Variants in LPP observed in about 807,000 individuals in gnomAD.
LPP encodes the protein LIM domain containing preferred translocation partner in lipoma, also known as lipoma-preferred partner.
Under a neutral mutation model 60.4 loss-of-function variants are expected in LPP, and 38 were observed. The ratio of observed to expected loss-of-function variants is 0.63; its 90% CI spans 0.49 to 0.83. The LOEUF (loss-of-function observed/expected upper bound fraction) is 0.83, where lower values mean the gene tolerates loss of function less well. LPP is among the 40% of genes least tolerant of loss of function. The pLI is 0.00. For missense variants in LPP, 902 were observed against 783.6 expected, an observed-to-expected ratio of 1.15 and a Z score of -1.80; for synonymous variants, 328 against 290.8, an observed-to-expected ratio of 1.13 and a Z score of -1.30.
At chr3:188,518,496 T>C (rs1446802711) in intron 5 of LPP, among the ~76,000 whole-genome samples, 1 of 152,202 alleles carries the variant, frequency 6.6e-6, no homozygotes, top group Non-Finnish European at 1.5e-5. Flanking sequence ...CAAGCTTGGG[T>C]AGGGTCTGGG....
intron 1 of LPP, among the ~76,000 whole-genome samples, chr3:188,191,808 T>C (rs140441462): frequency 1.1e-3 from 171 of 152,322 alleles, no homozygotes; most frequent in African/African-American, 4.0e-3. Flanking sequence ...GCAGTTAATA[T>C]CTGTTCTGTT....
At chr3:188,201,187 A>T (rs1195720021) in intron 1 of LPP, among the ~76,000 whole-genome samples, 1 of 152,136 alleles carries the variant, frequency 6.6e-6, no homozygotes, top group African/African-American at 2.4e-5. Flanking sequence ...GGGGAGAGAG[A>T]AGTCAAGGAT....
chr3:188,873,143 T>C (rs911237336), intron 11 of LPP, among the ~76,000 whole-genome samples: 1 of 152,230 alleles, frequency 6.6e-6, no homozygotes, highest in African/African-American at 2.4e-5. Context: ...TTCAGAGTCA[T>C]GGAGATTTAT....
intron 6 of LPP, chr3:188,584,326 T>A (rs1836921222): frequency 6.6e-6 from 1 of 152,196 alleles, no homozygotes; most frequent in Non-Finnish European, 1.5e-5. Context: ...GCGGGTGAGC[T>A]GCAGGAAAAG....
chr3:188,165,070 A>C (rs536928115), intron 1 of LPP, among the ~76,000 whole-genome samples: 1 of 152,126 alleles, frequency 6.6e-6, no homozygotes, highest in Admixed American at 6.5e-5. Flanking sequence ...CCCGGAGTTC[A>C]AGACCATCCT....
intron 1 of LPP, among the ~76,000 whole-genome samples, chr3:188,207,621 CTT>C (rs77534309): frequency 4.0e-4 from 53 of 131,198 alleles, no homozygotes; most frequent in Non-Finnish European, 4.6e-4. Flanking sequence ...TCTTTTTCTT[CTT>C]TTTTTTTTTT....
chr3:188,656,522 C>T (rs1288331787), intron 7 of LPP, among the ~76,000 whole-genome samples: 1 of 152,200 alleles, frequency 6.6e-6, no homozygotes, highest in African/African-American at 2.4e-5. Context: ...CCAGCAACAA[C>T]CTTTCTGCTC....
intron 7 of LPP, among the ~76,000 whole-genome samples, chr3:188,657,861 T>C (rs1298710596): frequency 1.3e-5 from 2 of 152,218 alleles, no homozygotes; most frequent in Non-Finnish European, 2.9e-5. Context: ...TGCATGCTCA[T>C]AGTACTCTTA....
Position 188,626,425 on chromosome 3 carries a change from C to T in LPP, c.1113+16581C>T, listed in dbSNP as rs187197244. ...TTTGAGCATCCATAGAGTTTGGCAT[C>T]TGCATGGAGTCCTAGAACTGATCCC... On this transcript the variant is annotated intron_variant, in intron 7 of 11. Coordinates refer to ENST00000617246, the MANE Select transcript of LPP (RefSeq NM_001375462.1). 8.9e-4 allele frequency among the ~76,000 whole-genome samples: 136 copies of T among 152,286 alleles called. 1 individual carries two copies. The highest frequency in any genetic ancestry group is 3.0e-3 in the African/African-American group (123 of 41,570).
At chr3:188,632,235 A>G (rs1847963332) in intron 7 of LPP, among the ~76,000 whole-genome samples, 1 of 152,168 alleles carries the variant, frequency 6.6e-6, no homozygotes. Context: ...GCTGATGTCT[A>G]CAGCACTGCA....
intron 7 of LPP, among the ~76,000 whole-genome samples, chr3:188,654,992 A>T (rs75840505): frequency 0.016 from 2,404 of 152,358 alleles, 22 homozygotes; most frequent in Non-Finnish European, 0.024. Context: ...TAAATAATTT[A>T]TATGGAACAA....
chr3:188,749,626 C>T (rs948248868), intron 8 of LPP, among the ~76,000 whole-genome samples: 1 of 152,100 alleles, frequency 6.6e-6, no homozygotes, highest in Non-Finnish European at 1.5e-5. Context: ...GGCTGAGTTG[C>T]AACTCTGCTA....
At chr3:188,424,455 T>A (rs893994192) in intron 4 of LPP, among the ~76,000 whole-genome samples, 4 of 152,194 alleles carry the variant, frequency 2.6e-5, no homozygotes, top group Admixed American at 2.0e-4. Flanking sequence ...TTTGGTTCCA[T>A]GTGAAATTTA....
Position 188,879,447 on chromosome 3 carries a change from TA to T in LPP, c.*4969del, listed in dbSNP as rs1203196519. On this transcript the variant is annotated 3_prime_UTR_variant, in exon 12 of 12. Transcript: ENST00000617246. ...ATGTGGCATCCATAAAATCTTCTTT[TA>T]TAGGGGCATATTTTTTAGGTTGTAT... The T allele has an allele frequency of 4.8e-6, 1 of 208,058 alleles. No individual in the cohort carries two copies. The highest frequency in any genetic ancestry group is 7.3e-5 in the East Asian group (1 of 13,710). The allele number at this position is 208,058 out of a possible 1,614,324, so 12.9% of individuals were successfully genotyped here. A position where few individuals can be genotyped will look rare whatever the true frequency, so the allele number is the denominator to read the frequency against.
chr3:188,757,905 T>TTTTTG lies in LPP; in HGVS notation c.1241-2204_1241-2203insGTTTT, dbSNP rs544425207. ...GTTTTTTTGGTTTTTTTTTTTTTTT[T>TTTTTG]TTTTCAGAATAATTTCAAAAATAGT... On this transcript the variant is annotated intron_variant, in intron 8 of 11. Transcript: ENST00000617246. Among the ~76,000 whole-genome samples the TTTTTG allele has an allele frequency of 2.4e-4, 36 of 149,484 alleles. 1 individual carries two copies. The East Asian group carries it at 4.3e-3, about 18-fold the overall frequency.
chr3:188,782,162 A>T (rs969400630), intron 9 of LPP, among the ~76,000 whole-genome samples: 4 of 152,174 alleles, frequency 2.6e-5, no homozygotes, highest in African/African-American at 9.7e-5. Context: ...ATGTTGTAAT[A>T]CCAGTTAATA....
chr3:188,504,417 G>C (rs1362644306), intron 5 of LPP, among the ~76,000 whole-genome samples: 1 of 152,146 alleles, frequency 6.6e-6, no homozygotes, highest in South Asian at 2.1e-4. Context: ...TCCCCCATCA[G>C]GTCTTTTTTA....
At chr3:188,262,709 CTCTCTG>C (rs759074930) in intron 2 of LPP, among the ~76,000 whole-genome samples, 1,547 of 151,870 alleles carry the variant, frequency 0.01, 22 homozygotes, top group African/African-American at 0.035. Flanking sequence ...CCTCTCTCCT[CTCTCTG>C]TCTTTCTCTC....
At chr3:188,233,251 A>G (rs1251246808) in intron 2 of LPP, among the ~76,000 whole-genome samples, 2 of 152,166 alleles carry the variant, frequency 1.3e-5, no homozygotes, top group Non-Finnish European at 2.9e-5. Flanking sequence ...ACCTTTATCC[A>G]CTGTGTTTCA....
Sources: allele counts gnomAD v4.1 joint callset (sites outside exome capture counted in the v4.1 genomes callset), GRCh38; gene constraint gnomAD v4.1.1; transcripts MANE v1.5; gene names NCBI Gene and HGNC (gene_info 2026-07-23, HGNC 2026-07-21).